The following ASIC2 variants were observed in gnomAD, a reference collection of about 807,000 sequenced individuals.
ASIC2 encodes the protein acid-sensing ion channel 2.
In ASIC2, 25 loss-of-function variants were observed where a neutral mutation model predicts 57.3. The observed-to-expected ratio is 0.44, with a 90% CI of 0.32 to 0.61. The LOEUF (loss-of-function observed/expected upper bound fraction) is 0.61, where lower values mean the gene tolerates loss of function less well. Among genes scored for constraint, ASIC2 ranks in the 20% least tolerant of loss-of-function variants. ASIC2 has a pLI of 0.06. For missense variants in ASIC2, 641 were observed against 738.1 expected (o/e 0.87, Z 1.52); for synonymous variants, 319 against 307.5 (o/e 1.04, Z -0.39).
intron 1 of ASIC2, among the ~76,000 whole-genome samples, chr17:33,578,774 A>T (rs1039070657): frequency 7.2e-6 from 1 of 138,454 alleles, no homozygotes; most frequent in African/African-American, 2.9e-5. Context: ...GAAGGTGCTG[A>T]TTTCGCATAA....
At chr17:33,730,903 C>A (rs2142090641) in intron 1 of ASIC2, among the ~76,000 whole-genome samples, 1 of 152,292 alleles carries the variant, frequency 6.6e-6, no homozygotes, top group East Asian at 1.9e-4. Context: ...TGAAATTGAT[C>A]CTACTCTTCT....
At chr17:33,389,450 C>T (rs1016564184) in intron 1 of ASIC2, among the ~76,000 whole-genome samples, 6 of 152,144 alleles carry the variant, frequency 3.9e-5, no homozygotes, top group Admixed American at 6.5e-5. Flanking sequence ...AGGGAGGTCA[C>T]CCCAATTCTG....
chr17:33,490,237 C>G (rs552486163), intron 1 of ASIC2, among the ~76,000 whole-genome samples: 2 of 152,226 alleles, frequency 1.3e-5, no homozygotes, highest in Non-Finnish European at 2.9e-5. Context: ...CTATCTGGCT[C>G]ATTACTTAAA....
At chr17:33,540,825 A>G (rs1170412462) in intron 1 of ASIC2, among the ~76,000 whole-genome samples, 1 of 152,252 alleles carries the variant, frequency 6.6e-6, no homozygotes, top group Non-Finnish European at 1.5e-5. Context: ...TAACACATTT[A>G]GGTCAGTTAT....
chr17:33,016,175 T>C lies in ASIC2; in HGVS notation c.1522-136A>G, dbSNP rs545253585. The C allele has an allele frequency of 1.7e-4, 124 of 729,384 alleles. 3 individuals are homozygous for C. The South Asian group carries it at 2.2e-3, about 13-fold the overall frequency. 45.2% of individuals were successfully genotyped at this position (729,384 alleles called of 1,614,324 possible). On this transcript the variant is annotated intron_variant, in intron 8 of 9. Coordinates refer to ENST00000225823, the MANE Select transcript of ASIC2 (RefSeq NM_183377.2). Reference sequence around the variant, plus strand: ...AACATACCGTAGCACAAGCCCAGCCTGGCAGCCAGCTCCAGGTGCCTGTCT... The same window carrying C: ...AACATACCGTAGCACAAGCCCAGCCCGGCAGCCAGCTCCAGGTGCCTGTCT...
chr17:33,866,593 G>A (rs927187908), intron 1 of ASIC2, among the ~76,000 whole-genome samples: 3 of 152,156 alleles, frequency 2.0e-5, no homozygotes, highest in Non-Finnish European at 4.4e-5. Flanking sequence ...GGTTTCTTAA[G>A]TTAATTTTAT....
At chr17:33,847,479 A>G (rs1913640279) in intron 1 of ASIC2, among the ~76,000 whole-genome samples, 2 of 152,046 alleles carry the variant, frequency 1.3e-5, no homozygotes, top group African/African-American at 4.8e-5. Flanking sequence ...ACTAATCTCC[A>G]GGCTCTCTTC....
At chr17:33,865,179 G>A (rs1256795738) in intron 1 of ASIC2, among the ~76,000 whole-genome samples, 1 of 152,182 alleles carries the variant, frequency 6.6e-6, no homozygotes. Flanking sequence ...GCCCCAGGTT[G>A]CAGGACACAC....
intron 2 of ASIC2, among the ~76,000 whole-genome samples, chr17:33,102,695 C>G (rs141039179): frequency 1.3e-5 from 2 of 151,992 alleles, no homozygotes; most frequent in African/African-American, 4.8e-5. Context: ...TTTGTTTAAC[C>G]TTTTCGGGAG....
chr17:33,342,786 G>T (rs143289367), intron 1 of ASIC2, among the ~76,000 whole-genome samples: 2,012 of 152,216 alleles, frequency 0.013, 22 homozygotes, highest in Non-Finnish European at 0.021. Context: ...CTCCACAGCT[G>T]CCCCTCCACA....
At chr17:33,276,434 C>T (rs7224215) in intron 1 of ASIC2, among the ~76,000 whole-genome samples, 51,050 of 152,002 alleles carry the variant, frequency 0.34, 8,729 homozygotes, top group Admixed American at 0.42. Flanking sequence ...ATTGGCACGG[C>T]TCCCTTAATT....
In ASIC2 at chr17:33,161,857, GTTTTTTTTT is replaced by G. The variant is rs199823485; in HGVS notation, c.709-49799_709-49791del. 3.3e-4 allele frequency among the ~76,000 whole-genome samples: 31 copies of G among 94,222 alleles called. No homozygotes were observed. In the East Asian group the frequency reaches 5.7e-3, roughly 17 times the overall value. 61.8% of individuals were successfully genotyped at this position (94,222 alleles called of 152,430 possible). On this transcript the variant is annotated intron_variant, in intron 1 of 9. Transcript: ENST00000225823. ...TAAGTAATAAAGCCAGAATTCCTAG[GTTTTTTTTT>G]TTTTTTTTTTTTTTTTTTTTGCTTC...
intron 1 of ASIC2, among the ~76,000 whole-genome samples, chr17:33,528,219 G>T (rs1055129780): frequency 3.4e-5 from 4 of 118,930 alleles, no homozygotes; most frequent in African/African-American, 1.2e-4. Flanking sequence ...GACAGGTGAG[G>T]CAGGGAGCCA....
intron 1 of ASIC2, among the ~76,000 whole-genome samples, chr17:33,416,046 C>T (rs1910831239): frequency 6.6e-6 from 1 of 152,194 alleles, no homozygotes; most frequent in South Asian, 2.1e-4. Flanking sequence ...CCTCTGGGCT[C>T]AGTGCTCATT....
intron 1 of ASIC2, among the ~76,000 whole-genome samples, chr17:33,700,297 G>A (rs1222262262): frequency 6.6e-6 from 1 of 152,102 alleles, no homozygotes; most frequent in African/African-American, 2.4e-5. Flanking sequence ...GTTTTCTGTT[G>A]ATAGTTTGTA....
rs540667587 is a variant in ASIC2, at chr17:33,848,338, C to T, written c.555+307640G>A. 1.6e-4 allele frequency among the ~76,000 whole-genome samples: 24 copies of T among 152,280 alleles called. No individual in the cohort carries two copies. The South Asian group carries it at 1.9e-3, about 12-fold the overall frequency. ...GTGGGGCATCCTTTTTTTCTCCTTA[C>T]ATGCTCAACCTCTTAGGTCTTATAC... On this transcript the variant is annotated intron_variant, in intron 1 of 9. Coordinates refer to the ASIC2 transcript ENST00000359872.
chr17:33,448,247 A>G (rs984520152), intron 1 of ASIC2, among the ~76,000 whole-genome samples: 6 of 152,064 alleles, frequency 3.9e-5, no homozygotes, highest in African/African-American at 1.4e-4. Flanking sequence ...GCTGGGCTCC[A>G]TTATATTTCA....
At chr17:33,154,018 A>T (rs1200299530) in intron 1 of ASIC2, among the ~76,000 whole-genome samples, 2 of 152,108 alleles carry the variant, frequency 1.3e-5, no homozygotes, top group African/African-American at 4.8e-5. Flanking sequence ...GTGCTCCTTC[A>T]TGAACATCCT....
At chr17:33,338,805 T>C (rs922322211) in intron 1 of ASIC2, among the ~76,000 whole-genome samples, 2 of 152,194 alleles carry the variant, frequency 1.3e-5, no homozygotes, top group African/African-American at 4.8e-5. Flanking sequence ...TTAAGAACAC[T>C]ATGATAAGTG....
Sources: gnomAD v4.1 joint callset for allele counts (sites outside exome capture counted in the v4.1 genomes callset) on GRCh38, gnomAD v4.1.1 for gene constraint, MANE v1.5 for transcripts, NCBI Gene and HGNC (gene_info 2026-07-23, HGNC 2026-07-21) for gene names.